SPATS2: variants seen among roughly 807,000 people sequenced by gnomAD.
SPATS2 encodes the protein spermatogenesis associated serine rich 2.
Under a neutral mutation model 63.7 loss-of-function variants are expected in SPATS2, and 38 were observed. The ratio of observed to expected loss-of-function variants is 0.60; its 90% CI spans 0.46 to 0.78. The LOEUF (loss-of-function observed/expected upper bound fraction) is 0.78. Among genes scored for constraint, SPATS2 ranks in the 30% least tolerant of loss-of-function variants. The probability of loss-of-function intolerance (pLI) is 0.00; values close to 1 mark genes in which losing one functional copy is unlikely to be tolerated. For missense variants in SPATS2, 588 were observed against 666.2 expected (o/e 0.88, Z 1.29); for synonymous variants, 207 against 232.9 (o/e 0.89, Z 1.01).
intron 3 of SPATS2, chr12:49,462,813 G>T (rs755061290): frequency 3.7e-6 from 1 of 271,318 alleles, no homozygotes; most frequent in Non-Finnish European, 7.0e-6. Context: ...ACTTCTCTCC[G>T]ACATCCTGAC....
At chr12:49,469,887 CAAAAAA>C (rs112020645) in intron 3 of SPATS2, among the ~76,000 whole-genome samples, 1 of 144,380 alleles carries the variant, frequency 6.9e-6, no homozygotes, top group African/African-American at 2.5e-5. Context: ...GATTCTGTCT[CAAAAAA>C]AAAAGAAGGA....
At chr12:49,472,090 G>C (rs532750009) in intron 3 of SPATS2, among the ~76,000 whole-genome samples, 3 of 152,108 alleles carry the variant, frequency 2.0e-5, no homozygotes, top group Non-Finnish European at 2.9e-5. Flanking sequence ...GTGAGCCAAG[G>C]TTGCGCCAGT....
At chr12:49,469,262 C>T (rs1016031986) in intron 3 of SPATS2, among the ~76,000 whole-genome samples, 7 of 151,126 alleles carry the variant, frequency 4.6e-5, no homozygotes, top group African/African-American at 1.7e-4. Flanking sequence ...TGGTGGCAGG[C>T]GCCTATAATC....
In SPATS2 at chr12:49,465,223, G is replaced by A. The variant is rs117968785; in HGVS notation, c.25+4186G>A. Reference sequence around the variant, plus strand: ...ATGTGTTTGCATTTCTCTTGTGGAGGTACTTAGGAGTGGACTTCTTTAACT... The same window carrying A: ...ATGTGTTTGCATTTCTCTTGTGGAGATACTTAGGAGTGGACTTCTTTAACT... On this transcript the variant is annotated intron_variant, in intron 3 of 13. Transcript: ENST00000552918. 6.4e-4 allele frequency among the ~76,000 whole-genome samples: 97 copies of A among 152,286 alleles called. No homozygotes were observed. The East Asian group carries it at 0.015, about 24-fold the overall frequency.
intron 2 of SPATS2, among the ~76,000 whole-genome samples, chr12:49,458,946 C>G (rs555824072): frequency 6.6e-6 from 1 of 152,194 alleles, no homozygotes; most frequent in African/African-American, 2.4e-5. Context: ...CACTTCCCTC[C>G]TTTCATGTGA....
At chr12:49,503,416 G>A (rs1165876857) in intron 9 of SPATS2, among the ~76,000 whole-genome samples, 2 of 151,202 alleles carry the variant, frequency 1.3e-5, no homozygotes, top group African/African-American at 2.4e-5. Flanking sequence ...TTGGGAGGCC[G>A]AGGCGGGTGG....
At chr12:49,514,694 C>G (rs1946809994) in intron 10 of SPATS2, 81 bp downstream of exon 10, 1 of 1,244,396 alleles carries the variant, frequency 8.0e-7, no homozygotes, top group Admixed American at 2.0e-5. Context: ...AACAAAAGTT[C>G]CATATAAATA....
At chr12:49,390,756 G>A (rs913512325) in intron 2 of SPATS2, among the ~76,000 whole-genome samples, 3 of 152,100 alleles carry the variant, frequency 2.0e-5, no homozygotes, top group African/African-American at 7.2e-5. Context: ...CTGATACTTA[G>A]CTAACAATTG....
At chr12:49,435,239 C>G (rs1333743576) in intron 2 of SPATS2, among the ~76,000 whole-genome samples, 1 of 151,730 alleles carries the variant, frequency 6.6e-6, no homozygotes, top group Non-Finnish European at 1.5e-5. Context: ...ACTGTTTTAG[C>G]CAGGATGGTC....
Position 49,422,292 on chromosome 12 carries a change from A to G in SPATS2, c.-243-38478A>G, listed in dbSNP as rs576195769. Among the ~76,000 whole-genome samples the G allele has an allele frequency of 7.2e-5, 11 of 152,296 alleles. No homozygotes were observed. In the East Asian group the frequency reaches 2.1e-3, roughly 29 times the overall value. On this transcript the variant is annotated intron_variant, in intron 2 of 13. Coordinates refer to ENST00000552918, the MANE Select transcript of SPATS2 (RefSeq NM_023071.4). ...CTCAAGTTCTTCAGTTAAATGAATG[A>G]TAAGTACTTCACAGAATTACATGAC...
At chr12:49,496,583 C>G (rs1441042554) in intron 7 of SPATS2, among the ~76,000 whole-genome samples, 1 of 152,218 alleles carries the variant, frequency 6.6e-6, no homozygotes, top group Non-Finnish European at 1.5e-5. Flanking sequence ...ATTGAGCTCC[C>G]TATCTAAAGA....
chr12:49,389,597 ACT>A (rs1431883899), intron 2 of SPATS2: 13 of 1,084,098 alleles, frequency 1.2e-5, no homozygotes, highest in Admixed American at 1.7e-5. Context: ...TGCAGCAGAA[ACT>A]CTGATTGAGC....
At chr12:49,393,036 T>C (rs1434163201) in intron 2 of SPATS2, among the ~76,000 whole-genome samples, 1 of 152,070 alleles carries the variant, frequency 6.6e-6, no homozygotes, top group Admixed American at 6.6e-5. Flanking sequence ...TGGGCAAAAC[T>C]GTGAAACTCC....
intron 11 of SPATS2, among the ~76,000 whole-genome samples, chr12:49,522,056 C>T (rs1946951026): frequency 6.6e-6 from 1 of 151,586 alleles, no homozygotes; most frequent in African/African-American, 2.4e-5. Context: ...TCCAGTCTAC[C>T]TTAGACATTG....
chr12:49,446,473 G>T (rs532983583), intron 2 of SPATS2, among the ~76,000 whole-genome samples: 12 of 152,354 alleles, frequency 7.9e-5, no homozygotes, highest in African/African-American at 2.9e-4. Flanking sequence ...GCTGTTGGCA[G>T]AATGCAGTTC....
At chr12:49,449,251 T>C (rs1393931464) in intron 2 of SPATS2, among the ~76,000 whole-genome samples, 2 of 152,232 alleles carry the variant, frequency 1.3e-5, no homozygotes, top group South Asian at 4.1e-4. Flanking sequence ...AGTCTCGCTC[T>C]GTCGCCCAAG....
intron 3 of SPATS2, among the ~76,000 whole-genome samples, chr12:49,465,770 C>G (rs891548600): frequency 3.3e-5 from 5 of 152,110 alleles, no homozygotes; most frequent in African/African-American, 9.7e-5. Context: ...CTGGCGAAAC[C>G]CTGTCTCTAC....
At chr12:49,467,884 C>G (rs1008145061) in intron 3 of SPATS2, among the ~76,000 whole-genome samples, 2 of 151,724 alleles carry the variant, frequency 1.3e-5, no homozygotes, top group Admixed American at 6.6e-5. Flanking sequence ...CAGGCACCTG[C>G]CACCACGCCC....
intron 2 of SPATS2, among the ~76,000 whole-genome samples, chr12:49,386,834 G>A (rs1944325735): frequency 6.6e-6 from 1 of 152,142 alleles, no homozygotes. Context: ...AATTGATATT[G>A]TGAAAGCATG....
Sources: allele counts gnomAD v4.1 joint callset (sites outside exome capture counted in the v4.1 genomes callset), GRCh38; gene constraint gnomAD v4.1.1; transcripts MANE v1.5; gene names NCBI Gene and HGNC (gene_info 2026-07-23, HGNC 2026-07-21).